Variants in FBXO15 observed in about 807,000 individuals in gnomAD.
FBXO15 encodes F-box only protein 15.
A neutral mutation model predicts 49.5 loss-of-function variants in FBXO15; 30 were observed. The ratio of observed to expected loss-of-function variants is 0.61; its 90% CI spans 0.45 to 0.82. The LOEUF (loss-of-function observed/expected upper bound fraction) is 0.82. Ranked by LOEUF, FBXO15 falls within the 40% of genes least tolerant of loss-of-function variation. The pLI, the probability that FBXO15 is intolerant of heterozygous loss-of-function variation, is 0.00. For missense variants in FBXO15, 591 were observed against 631.5 expected, an observed-to-expected ratio of 0.94 and a Z score of 0.69; for synonymous variants, 250 against 232.7, an observed-to-expected ratio of 1.07 and a Z score of -0.68.
intron 3 of FBXO15, among the ~76,000 whole-genome samples, chr18:74,132,038 C>G (rs994288071): frequency 2.0e-5 from 3 of 149,566 alleles, no homozygotes; most frequent in Non-Finnish European, 4.4e-5. Context: ...TGGTTGAATT[C>G]TCTTCCTAGT....
chr18:74,099,972 A>T (rs551070315), intron 8 of FBXO15: 23 of 152,348 alleles, frequency 1.5e-4, no homozygotes, highest in African/African-American at 5.3e-4. Flanking sequence ...ACAGTGGGAA[A>T]CTTCAATACT....
At chr18:74,128,107 G>C (rs1483070603) in intron 5 of FBXO15, among the ~76,000 whole-genome samples, 1 of 152,080 alleles carries the variant, frequency 6.6e-6, no homozygotes, top group African/African-American at 2.4e-5. Context: ...AAAGGTAACT[G>C]TTTCCAAAGT....
intron 8 of FBXO15, among the ~76,000 whole-genome samples, chr18:74,112,816 T>A (rs1418123056): frequency 6.6e-6 from 1 of 152,230 alleles, no homozygotes; most frequent in African/African-American, 2.4e-5. Flanking sequence ...CAAATGCTGG[T>A]AAGACTGTGG....
intron 5 of FBXO15, 52 bp from the exon 6 acceptor site, chr18:74,126,153 A>G (rs1262443407): frequency 3.1e-6 from 5 of 1,604,652 alleles, no homozygotes; most frequent in South Asian, 1.1e-5. Context: ...TTTCCTGTCC[A>G]TAGTGTTGTC....
intron 8 of FBXO15, among the ~76,000 whole-genome samples, chr18:74,083,606 TC>T (rs1912599328): frequency 6.6e-6 from 1 of 152,168 alleles, no homozygotes; most frequent in Non-Finnish European, 1.5e-5. Flanking sequence ...CAATAACGTC[TC>T]AGTGGCAACT....
rs1913215429 is a variant in FBXO15, at chr18:74,095,018, T to C, written c.1139-12967A>G. On this transcript the variant is annotated intron_variant, in intron 8 of 9. Transcript: ENST00000419743. ...TGGATATTTCTTGTTTTCTTAAACC[T>C]TATAATCCAACCTCTGCTAGCTTCA... Among the ~76,000 whole-genome samples the C allele has an allele frequency of 2.0e-5, 3 of 152,388 alleles. 1 individual carries two copies. The South Asian group carries it at 6.2e-4, about 32-fold the overall frequency.
At chr18:74,116,295 C>G (rs1029421256) in intron 8 of FBXO15, among the ~76,000 whole-genome samples, 5 of 152,126 alleles carry the variant, frequency 3.3e-5, no homozygotes, top group Non-Finnish European at 4.4e-5. Flanking sequence ...AAAGATTATA[C>G]TTTCTCATTA....
At position 74,073,732 on chromosome 18, in the gene FBXO15, T is replaced by G; in HGVS notation, c.1264-2A>C. The G allele has an allele frequency of 6.2e-7, 1 of 1,606,510 alleles. No homozygotes were observed. On this transcript the variant is annotated splice_acceptor_variant, in intron 9 of 9. Coordinates refer to ENST00000419743, the MANE Select transcript of FBXO15 (RefSeq NM_001142958.2). LOFTEE classifies it high-confidence loss of function. ...AGTTACGTCCATCATGGAACAACTCTGCAAAATAAACACAGATTGACAAGG... is the reference window on the plus strand; with the variant it reads ...AGTTACGTCCATCATGGAACAACTCGGCAAAATAAACACAGATTGACAAGG...
chr18:74,105,359 C>T (rs1347116565), intron 8 of FBXO15, among the ~76,000 whole-genome samples: 2 of 152,164 alleles, frequency 1.3e-5, no homozygotes, highest in Non-Finnish European at 2.9e-5. Flanking sequence ...ATTATTTGAT[C>T]TGCAAAAGTT....
chr18:74,074,030 TA>T lies in FBXO15; in HGVS notation c.1264-301del, dbSNP rs1331032653. On this transcript the variant is annotated intron_variant, in intron 9 of 9. Transcript: ENST00000419743. The surrounding 1 kb of genome is among the most constrained non-coding windows in gnomAD (Gnocchi z 4.7). ...ATATTGTCCCTCTCCTCATGGAAGT[TA>T]AAGTACAGTGGCTACAGATGTGACA... Among the ~76,000 whole-genome samples, 4 of 152,130 alleles carry T rather than the reference TA, an allele frequency of 2.6e-5. No homozygotes were observed. Among genetic ancestry groups the T allele is most frequent in the African/African-American group, 9.7e-5 (4 of 41,436 alleles).
chr18:74,119,011 G>C (rs1390675939), intron 8 of FBXO15, among the ~76,000 whole-genome samples: 1 of 152,186 alleles, frequency 6.6e-6, no homozygotes, highest in Non-Finnish European at 1.5e-5. Flanking sequence ...CAGTGGCCTA[G>C]GAAATAGGCC....
chr18:74,095,882 C>T lies in FBXO15; in HGVS notation c.1139-13831G>A, dbSNP rs371072679. Among the ~76,000 whole-genome samples the T allele has an allele frequency of 4.3e-4, 65 of 152,248 alleles. No homozygotes were observed. The South Asian group carries it at 0.013, about 31-fold the overall frequency. On this transcript the variant is annotated intron_variant, in intron 8 of 9. Transcript: ENST00000419743. ...AGAAAACTGAAACAAATGCACAATG[C>T]TAAGATTATCACCAGAAATATTCCA...
intron 8 of FBXO15, among the ~76,000 whole-genome samples, chr18:74,118,932 C>T (rs1196524968): frequency 6.6e-6 from 1 of 152,170 alleles, no homozygotes; most frequent in Non-Finnish European, 1.5e-5. Flanking sequence ...GATGCCCTTC[C>T]TCTGGGTTGT....
intron 8 of FBXO15, chr18:74,097,486 G>C (rs1913331084): frequency 6.6e-6 from 1 of 152,232 alleles, no homozygotes; most frequent in African/African-American, 2.4e-5. Flanking sequence ...GTGACTATTG[G>C]CTTTGCCCCG....
At position 74,073,430 on chromosome 18, in the gene FBXO15, C is replaced by A. The variant is rs758387605; in HGVS notation, c.*31G>T. On this transcript the variant is annotated 3_prime_UTR_variant, in exon 10 of 10. Coordinates refer to ENST00000419743, the MANE Select transcript of FBXO15 (RefSeq NM_001142958.2). ...AACAAAGCCAGTCAAAAATAAACAACTAAATAACAACAATAATTTGCCACC... is the reference window on the plus strand; with the variant it reads ...AACAAAGCCAGTCAAAAATAAACAAATAAATAACAACAATAATTTGCCACC... The A allele has an allele frequency of 1.6e-5, 26 of 1,595,446 alleles. No homozygotes were observed. The highest frequency in any genetic ancestry group is 2.1e-5 in the Non-Finnish European group (25 of 1,170,666).
rs545255995 is a variant in FBXO15 at position 74,111,230 on chromosome 18, C to T, written c.1138+12138G>A. ...CCTATAATCCCAGCACTTGGGAGGC[C>T]GAGGCAGGCAGATCACCTGAGTCTC... On this transcript the variant is annotated intron_variant, in intron 8 of 9. Transcript: ENST00000419743. Among the ~76,000 whole-genome samples the T allele has an allele frequency of 4.9e-5, 7 of 143,906 alleles. No individual in the cohort carries two copies. In the South Asian group the frequency reaches 1.1e-3, roughly 23 times the overall value. The allele number at this position is 143,906 out of a possible 152,430, so 94.4% of individuals were successfully genotyped here. A position where few individuals can be genotyped will look rare whatever the true frequency, so the allele number is the denominator to read the frequency against.
intron 5 of FBXO15, 107 bp downstream of exon 5, chr18:74,129,298 G>C: frequency 1.1e-6 from 1 of 918,918 alleles, no homozygotes. Context: ...TTTAATATGT[G>C]ATAAAATTAA....
At chr18:74,100,834 T>C (rs1324324115) in intron 8 of FBXO15, among the ~76,000 whole-genome samples, 1 of 152,078 alleles carries the variant, frequency 6.6e-6, no homozygotes, top group Non-Finnish European at 1.5e-5. Context: ...CCCGGAAAGA[T>C]ACAACCCTCC....
At chr18:74,113,518 G>C (rs1378575941) in intron 8 of FBXO15, among the ~76,000 whole-genome samples, 1 of 152,136 alleles carries the variant, frequency 6.6e-6, no homozygotes, top group East Asian at 1.9e-4. Flanking sequence ...AGAGGTTATG[G>C]TTTTGTGGGG....
Sources: gnomAD v4.1 joint callset for allele counts (sites outside exome capture counted in the v4.1 genomes callset) on GRCh38, gnomAD v4.1.1 for gene constraint, Gnocchi (gnomAD v3.1) non-coding constraint, MANE v1.5 for transcripts, NCBI Gene and HGNC (gene_info 2026-07-23, HGNC 2026-07-21) for gene names.